The following ANO6 variants were observed in gnomAD, a reference collection of about 807,000 sequenced individuals.
The protein encoded by ANO6 is anoctamin 6.
A neutral mutation model predicts 117.5 loss-of-function variants in ANO6; 106 were observed. The observed-to-expected ratio is 0.90, with a 90% CI of 0.77 to 1.06. The LOEUF (loss-of-function observed/expected upper bound fraction) is 1.06, where lower values mean the gene tolerates loss of function less well. Ranked by LOEUF, ANO6 falls within the 50% of genes least tolerant of loss-of-function variation. ANO6 has a pLI of 0.00. For missense variants in ANO6, 955 were observed against 1,121.1 expected, an observed-to-expected ratio of 0.85 and a Z score of 2.12; for synonymous variants, 367 against 385.1, an observed-to-expected ratio of 0.95 and a Z score of 0.55.
At chr12:45,263,379 T>TC (rs1473059863) in intron 1 of ANO6, among the ~76,000 whole-genome samples, 1 of 147,934 alleles carries the variant, frequency 6.8e-6, no homozygotes, top group Non-Finnish European at 1.5e-5. Flanking sequence ...TTTTTTTTTT[T>TC]TTTTTTTTTT....
At chr12:45,340,371 G>A (rs900651483) in intron 3 of ANO6, among the ~76,000 whole-genome samples, 3 of 152,024 alleles carry the variant, frequency 2.0e-5, no homozygotes, top group Non-Finnish European at 2.9e-5. Flanking sequence ...GATGTACCTA[G>A]GTCCTCAGTG....
At chr12:45,275,829 T>C (rs1938537510) in intron 1 of ANO6, among the ~76,000 whole-genome samples, 1 of 152,248 alleles carries the variant, frequency 6.6e-6, no homozygotes, top group Admixed American at 6.5e-5. Flanking sequence ...CTCCTGGGAA[T>C]GTTGAGAATT....
intron 2 of ANO6, among the ~76,000 whole-genome samples, chr12:45,329,563 G>T (rs774328497): frequency 7.2e-5 from 11 of 152,186 alleles, no homozygotes; most frequent in South Asian, 2.1e-4. Flanking sequence ...TACAGATGTG[G>T]TTCTCATTCC....
At chr12:45,301,478 A>C (rs1939486272) in intron 1 of ANO6, among the ~76,000 whole-genome samples, 1 of 152,058 alleles carries the variant, frequency 6.6e-6, no homozygotes, top group South Asian at 2.1e-4. Flanking sequence ...TTAGTCAGGC[A>C]TGGTAATATA....
chr12:45,226,762 GA>G (rs1947487982), intron 1 of ANO6, among the ~76,000 whole-genome samples: 1 of 151,638 alleles, frequency 6.6e-6, no homozygotes, highest in African/African-American at 2.4e-5. Flanking sequence ...AAATTTTTAA[GA>G]AAAATATATT....
intron 1 of ANO6, among the ~76,000 whole-genome samples, chr12:45,243,178 G>C (rs138873465): frequency 6.6e-6 from 1 of 152,126 alleles, no homozygotes; most frequent in African/African-American, 2.4e-5. Context: ...AATTAGCCAG[G>C]TGTGGTGGCA....
chr12:45,346,774 A>G (rs1036230683), intron 3 of ANO6, among the ~76,000 whole-genome samples: 1 of 152,202 alleles, frequency 6.6e-6, no homozygotes, highest in Non-Finnish European at 1.5e-5. Context: ...AGGACAGCCA[A>G]GGGCCTTCCA....
Position 45,416,828 on chromosome 12 carries a change from T to G in ANO6, c.2141T>G (p.Val714Gly). The G allele has an allele frequency of 1.9e-6, 3 of 1,614,144 alleles. No homozygotes were observed. The highest frequency in any genetic ancestry group is 2.5e-6 in the Non-Finnish European group (3 of 1,180,022). ...WKLTTQFRRL[V>G]PEKAQDIGAW... Reference sequence around the variant, plus strand: ...CTGACCACCCAGTTTAGACGCCTGGTACCAGAGAAAGCCCAAGACATTGGA... The same window carrying G: ...CTGACCACCCAGTTTAGACGCCTGGGACCAGAGAAAGCCCAAGACATTGGA... The change falls in exon 17 of 20, where the codon GTA becomes GGA. Residue 714 changes from valine to glycine, a missense_variant. Val to Gly is a moderately radical substitution (Grantham distance 109, BLOSUM62 -3). Transcript: ENST00000320560.
At chr12:45,326,930 C>A (rs1457116993) in intron 2 of ANO6, among the ~76,000 whole-genome samples, 1 of 152,144 alleles carries the variant, frequency 6.6e-6, no homozygotes, top group Non-Finnish European at 1.5e-5. Context: ...TGAGTGCTTA[C>A]CTTTGAAGAG....
intron 2 of ANO6, among the ~76,000 whole-genome samples, chr12:45,320,815 A>T (rs992379880): frequency 6.6e-6 from 1 of 152,096 alleles, no homozygotes. Context: ...TATTGGGTGG[A>T]TATATATTTA....
chr12:45,267,056 T>C (rs1176410530), intron 1 of ANO6, among the ~76,000 whole-genome samples: 1 of 152,188 alleles, frequency 6.6e-6, no homozygotes, highest in East Asian at 1.9e-4. Context: ...TGTATCCATG[T>C]TGTGCTATTT....
chr12:45,278,730 G>A (rs773973637), intron 1 of ANO6, among the ~76,000 whole-genome samples: 4 of 152,120 alleles, frequency 2.6e-5, no homozygotes, highest in Non-Finnish European at 4.4e-5. Flanking sequence ...CTGTTTCTCT[G>A]TTAGATGCCC....
rs139938142 is a variant in ANO6 at position 45,358,770 on chromosome 12, G to A, written c.998+1346G>A. On this transcript the variant is annotated intron_variant, in intron 8 of 19. Coordinates refer to ENST00000320560, the MANE Select transcript of ANO6 (RefSeq NM_001025356.3). ...AGTTTCTATCAAATACCTGTTTAAA[G>A]CTTATGTCCCTCCTTTTTTTTTTTT... 5.9e-3 allele frequency among the ~76,000 whole-genome samples: 897 copies of A among 150,894 alleles called. 8 individuals carry two copies. The highest frequency in any genetic ancestry group is 9.6e-3 in the Admixed American group (146 of 15,148).
chr12:45,246,339 T>A (rs1038816008), intron 1 of ANO6, among the ~76,000 whole-genome samples: 6 of 152,358 alleles, frequency 3.9e-5, no homozygotes, highest in Admixed American at 2.6e-4. Context: ...TTCTTGCACT[T>A]CCCAGTGTAA....
At chr12:45,366,700 A>T (rs11183006) in intron 8 of ANO6, among the ~76,000 whole-genome samples, 8,490 of 152,242 alleles carry the variant, frequency 0.056, 479 homozygotes, top group East Asian at 0.32. Flanking sequence ...GAGATAACTA[A>T]TATCTTTAAA....
chr12:45,222,426 G>T (rs1267963172), intron 1 of ANO6, among the ~76,000 whole-genome samples: 1 of 152,120 alleles, frequency 6.6e-6, no homozygotes, highest in South Asian at 2.1e-4. Context: ...CTCCCAAAGT[G>T]CTGAGCAGGC....
chr12:45,265,641 G>A (rs73275006), intron 1 of ANO6, among the ~76,000 whole-genome samples: 2,309 of 152,212 alleles, frequency 0.015, 45 homozygotes, highest in African/African-American at 0.051. Flanking sequence ...TAACCTTCCC[G>A]ATTCTTGTCA....
chr12:45,225,379 C>T (rs377412836), intron 1 of ANO6, among the ~76,000 whole-genome samples: 4 of 152,176 alleles, frequency 2.6e-5, no homozygotes, highest in South Asian at 2.1e-4. Context: ...CAAAAACACT[C>T]GTCTTGAAGC....
At chr12:45,409,256 T>G in intron 15 of ANO6, 101 bp from the exon 16 acceptor site, 4 of 1,447,126 alleles carry the variant, frequency 2.8e-6, no homozygotes, top group Non-Finnish European at 3.8e-6. Context: ...AAATAGTTTA[T>G]TGGGAAGATT....
Sources: allele counts gnomAD v4.1 joint callset (sites outside exome capture counted in the v4.1 genomes callset), GRCh38; gene constraint gnomAD v4.1.1; transcripts MANE v1.5; gene names NCBI Gene and HGNC (gene_info 2026-07-23, HGNC 2026-07-21).